The following ATG7 variants were observed in gnomAD, a reference collection of about 807,000 sequenced individuals.
The protein encoded by ATG7 is ubiquitin-like modifier-activating enzyme ATG7.
Under a neutral mutation model 82.4 loss-of-function variants are expected in ATG7, and 70 were observed. That is an observed-to-expected ratio of 0.85 (90% CI 0.70 to 1.04). The LOEUF (loss-of-function observed/expected upper bound fraction) is 1.04, where lower values mean the gene tolerates loss of function less well. ATG7 is among the 50% of genes least tolerant of loss of function. The pLI is 0.00. For synonymous variants in ATG7, 287 were observed against 313.0 expected, an observed-to-expected ratio of 0.92 and a Z score of 0.88; for missense variants, 792 against 864.3, an observed-to-expected ratio of 0.92 and a Z score of 1.05.
intron 20 of ATG7, among the ~76,000 whole-genome samples, chr3:11,481,927 A>C (rs1186834223): frequency 6.6e-6 from 1 of 152,182 alleles, no homozygotes; most frequent in Non-Finnish European, 1.5e-5. Flanking sequence ...TTGTGAGAGC[A>C]CTTAGTGCTA....
At chr3:11,322,550 T>C (rs191777918) in intron 9 of ATG7, among the ~76,000 whole-genome samples, 83 of 152,332 alleles carry the variant, frequency 5.4e-4, no homozygotes, top group Non-Finnish European at 9.4e-4. Context: ...ATCCTGTGCA[T>C]TTTTTAAAAC....
intron 20 of ATG7, among the ~76,000 whole-genome samples, chr3:11,487,769 G>T (rs1295068128): frequency 1.7e-4 from 1 of 6,060 alleles, no homozygotes; most frequent in Non-Finnish European, 3.3e-4. Context: ...TCCCGGACGG[G>T]GTGGCTGCCG....
At chr3:11,462,267 T>C (rs1487570907) in intron 20 of ATG7, among the ~76,000 whole-genome samples, 1 of 151,944 alleles carries the variant, frequency 6.6e-6, no homozygotes, top group Non-Finnish European at 1.5e-5. Flanking sequence ...AGGGCTGTTT[T>C]ATGTTCTTTT....
chr3:11,398,084 C>CAA (rs201772380), intron 19 of ATG7, among the ~76,000 whole-genome samples: 50 of 107,272 alleles, frequency 4.7e-4, no homozygotes, highest in African/African-American at 8.4e-4. Flanking sequence ...ACTCTGTCTC[C>CAA]AAAAAAAAAA....
intron 5 of ATG7, among the ~76,000 whole-genome samples, chr3:11,303,493 C>A (rs1575292739): frequency 6.6e-6 from 1 of 151,572 alleles, no homozygotes; most frequent in Non-Finnish European, 1.5e-5. Context: ...CATGGTGAAA[C>A]CCCGTCTCTA....
At chr3:11,431,240 A>G (rs535133998) in intron 20 of ATG7, among the ~76,000 whole-genome samples, 2 of 152,336 alleles carry the variant, frequency 1.3e-5, no homozygotes, top group East Asian at 1.9e-4. Flanking sequence ...TGTCTCTACT[A>G]AAAATACAAA....
At chr3:11,559,977 G>A (rs1393006137), downstream of ATG7, among the ~76,000 whole-genome samples, 2 of 152,162 alleles carry the variant, frequency 1.3e-5, no homozygotes, top group African/African-American at 4.8e-5. Flanking sequence ...AGGAAATGGA[G>A]GAAATATGCC....
At chr3:11,367,587 G>C (rs2076711052) in intron 18 of ATG7, among the ~76,000 whole-genome samples, 1 of 152,102 alleles carries the variant, frequency 6.6e-6, no homozygotes, top group African/African-American at 2.4e-5. Context: ...GGATTACTTA[G>C]TTGTTCTGTC....
At chr3:11,452,577 A>C (rs1320453275) in intron 20 of ATG7, among the ~76,000 whole-genome samples, 2 of 152,132 alleles carry the variant, frequency 1.3e-5, no homozygotes, top group East Asian at 3.9e-4. Flanking sequence ...TCCTCTAGGC[A>C]CTTCAGCAAA....
intron 20 of ATG7, among the ~76,000 whole-genome samples, chr3:11,523,505 A>G (rs1266645103): frequency 2.0e-5 from 3 of 152,156 alleles, no homozygotes; most frequent in South Asian, 2.1e-4. Context: ...TATGCACTGA[A>G]GTGTTTGATT....
intron 19 of ATG7, among the ~76,000 whole-genome samples, chr3:11,425,276 C>G (rs2082270944): frequency 6.6e-6 from 1 of 152,178 alleles, no homozygotes; most frequent in Admixed American, 6.5e-5. Flanking sequence ...AACAGTGTTT[C>G]AGTAAGCATC....
At chr3:11,436,401 CTGTTTAACAGTTCCTTGAAAAAT>C (rs2083372398) in intron 20 of ATG7, among the ~76,000 whole-genome samples, 1 of 152,174 alleles carries the variant, frequency 6.6e-6, no homozygotes, top group Non-Finnish European at 1.5e-5. Context: ...CTTTGGAAAA[CTGTTTAACAGTTCCTTGAAAAAT>C]TAAACATAGA....
At chr3:11,442,739 C>CAAAAAAAAAAAAAA (rs57073881) in intron 20 of ATG7, among the ~76,000 whole-genome samples, 1 of 69,250 alleles carries the variant, frequency 1.4e-5, no homozygotes, top group Non-Finnish European at 2.5e-5. Context: ...TCCATCTCTA[C>CAAAAAAAAAAAAAA]AAAAAAAAAA....
chr3:11,492,760 C>T (rs1202645477), intron 20 of ATG7, among the ~76,000 whole-genome samples: 1 of 152,084 alleles, frequency 6.6e-6, no homozygotes, highest in Admixed American at 6.5e-5. Context: ...TTTGCTCAGG[C>T]CCATCGCACT....
chr3:11,310,250 A>T (rs78667716), intron 7 of ATG7, among the ~76,000 whole-genome samples: 4 of 152,282 alleles, frequency 2.6e-5, no homozygotes, highest in Non-Finnish European at 5.9e-5. Flanking sequence ...ACTTCTTTAG[A>T]ATAAGTTCTT....
intron 19 of ATG7, among the ~76,000 whole-genome samples, chr3:11,396,440 AG>A (rs1455938103): frequency 6.6e-6 from 1 of 152,186 alleles, no homozygotes; most frequent in Admixed American, 6.5e-5. Flanking sequence ...CTGTCCCAAA[AG>A]AAAAAAAAAT....
At chr3:11,518,506 T>A (rs1198680411) in intron 20 of ATG7, among the ~76,000 whole-genome samples, 1 of 150,698 alleles carries the variant, frequency 6.6e-6, no homozygotes, top group Non-Finnish European at 1.5e-5. Context: ...GAGATCGTGC[T>A]ACTGTACTCC....
intron 18 of ATG7, among the ~76,000 whole-genome samples, chr3:11,377,110 A>G (rs1430841679): frequency 2.0e-5 from 3 of 152,168 alleles, no homozygotes; most frequent in Admixed American, 6.5e-5. Flanking sequence ...GTATTAGGAA[A>G]ACTGACAGCT....
At chr3:11,287,758 C>T (rs1944329755) in intron 3 of ATG7, among the ~76,000 whole-genome samples, 1 of 152,256 alleles carries the variant, frequency 6.6e-6, no homozygotes, top group Non-Finnish European at 1.5e-5. Context: ...TATTGCAGGC[C>T]AGCAGATGTG....
Sources: allele counts gnomAD v4.1 joint callset (sites outside exome capture counted in the v4.1 genomes callset), GRCh38; gene constraint gnomAD v4.1.1; transcripts MANE v1.5; gene names NCBI Gene and HGNC (gene_info 2026-07-23, HGNC 2026-07-21).